Variants in FAM174A observed in about 807,000 individuals in gnomAD.
FAM174A encodes the protein family with sequence similarity 174 member A.
Under a neutral mutation model 14.3 loss-of-function variants are expected in FAM174A, and 14 were observed. That is an observed-to-expected ratio of 0.98 (90% CI 0.65 to 1.53). FAM174A has a LOEUF of 1.53. FAM174A is among the 40% of genes most tolerant of loss of function. FAM174A has a pLI of 0.00. For synonymous variants in FAM174A, 108 were observed against 111.4 expected, an observed-to-expected ratio of 0.97 and a Z score of 0.19; for missense variants, 241 against 249.6, an observed-to-expected ratio of 0.97 and a Z score of 0.23.
intron 2 of FAM174A, among the ~76,000 whole-genome samples, chr5:100,564,203 C>G (rs1580372564): frequency 6.6e-6 from 1 of 151,816 alleles, no homozygotes; most frequent in Admixed American, 6.6e-5. Flanking sequence ...AACCTCTTTT[C>G]TTTATAAATT....
chr5:100,564,923 A>G (rs1195714332), intron 2 of FAM174A, among the ~76,000 whole-genome samples: 1 of 151,920 alleles, frequency 6.6e-6, no homozygotes, highest in African/African-American at 2.4e-5. Context: ...ATATGGCTTC[A>G]TGGGTAAATT....
chr5:100,545,896 A>G (rs1290672065), intron 1 of FAM174A, among the ~76,000 whole-genome samples: 2 of 152,170 alleles, frequency 1.3e-5, no homozygotes, highest in Non-Finnish European at 2.9e-5. Flanking sequence ...TCCTGTCATT[A>G]TGTATACTGT....
chr5:100,581,389 A>C lies in FAM174A; in HGVS notation c.570-4792A>C, dbSNP rs968069626. On this transcript the variant is annotated intron_variant, in intron 2 of 2. Coordinates refer to ENST00000312637, the MANE Select transcript of FAM174A (RefSeq NM_198507.3). ...GAGAAAGAGCAACTGAGGGATAGCA[A>C]CATGGATTTCACTGAGTAGGTGGCA... The C allele has an allele frequency of 4.1e-6, 4 of 985,158 alleles. No individual in the cohort carries two copies. In the African/African-American group the frequency reaches 7.0e-5, roughly 17 times the overall value. 61.0% of individuals were successfully genotyped at this position (985,158 alleles called of 1,614,324 possible). A position where few individuals can be genotyped will look rare whatever the true frequency, so the allele number is the denominator to read the frequency against.
intron 2 of FAM174A, among the ~76,000 whole-genome samples, chr5:100,572,682 T>C (rs1283897982): frequency 6.6e-6 from 1 of 152,148 alleles, no homozygotes; most frequent in Non-Finnish European, 1.5e-5. Context: ...TCCAAGTCTT[T>C]GCTATTGTGA....
intron 1 of FAM174A, among the ~76,000 whole-genome samples, chr5:100,539,846 T>C (rs1746015130): frequency 6.6e-6 from 1 of 152,240 alleles, no homozygotes; most frequent in Non-Finnish European, 1.5e-5. Flanking sequence ...GCCCAGTGCC[T>C]TTCTGTTTAA....
At chr5:100,552,702 T>C (rs541029693) in intron 1 of FAM174A, among the ~76,000 whole-genome samples, 82 of 152,166 alleles carry the variant, frequency 5.4e-4, no homozygotes, top group Non-Finnish European at 1.0e-3. Flanking sequence ...AGTTTTATTT[T>C]GATACTCTAA....
chr5:100,551,946 A>G (rs1317625725), intron 1 of FAM174A, among the ~76,000 whole-genome samples: 2 of 152,180 alleles, frequency 1.3e-5, no homozygotes, highest in African/African-American at 4.8e-5. Flanking sequence ...ATTTCTAAAT[A>G]AGGCCACATT....
chr5:100,573,258 T>G (rs1219451619), intron 2 of FAM174A, among the ~76,000 whole-genome samples: 1 of 151,756 alleles, frequency 6.6e-6, no homozygotes, highest in Non-Finnish European at 1.5e-5. Flanking sequence ...TTAGTTTAAT[T>G]AGATCCCATT....
intron 2 of FAM174A, among the ~76,000 whole-genome samples, chr5:100,571,513 G>C (rs1389934388): frequency 1.3e-5 from 2 of 149,748 alleles, no homozygotes; most frequent in Non-Finnish European, 3.0e-5. Context: ...TCACATAACT[G>C]CTTTTCCTTG....
intron 2 of FAM174A, among the ~76,000 whole-genome samples, chr5:100,577,905 T>C (rs1433974912): frequency 6.6e-6 from 1 of 152,068 alleles, no homozygotes; most frequent in Non-Finnish European, 1.5e-5. Context: ...ATATTTGGGA[T>C]TGGAGTCACT....
intron 2 of FAM174A, among the ~76,000 whole-genome samples, chr5:100,571,874 G>A (rs915521737): frequency 6.6e-6 from 1 of 151,746 alleles, no homozygotes; most frequent in Non-Finnish European, 1.5e-5. Context: ...CAAAGTCTCT[G>A]ATGGCTATAG....
At chr5:100,542,254 C>T (rs747325361) in intron 1 of FAM174A, among the ~76,000 whole-genome samples, 5 of 152,184 alleles carry the variant, frequency 3.3e-5, no homozygotes, top group Admixed American at 6.5e-5. Context: ...CAACTTCTTA[C>T]GGGATAGATG....
chr5:100,563,859 G>A (rs901618604), intron 2 of FAM174A, among the ~76,000 whole-genome samples: 1 of 151,838 alleles, frequency 6.6e-6, no homozygotes. Context: ...TTATAAATAT[G>A]TGGAAACTAA....
At chr5:100,573,177 G>A (rs556485795) in intron 2 of FAM174A, among the ~76,000 whole-genome samples, 6 of 152,054 alleles carry the variant, frequency 3.9e-5, no homozygotes, top group South Asian at 2.1e-4. Flanking sequence ...AGTAGGTTGC[G>A]AAAATTTTCT....
Position 100,586,289 on chromosome 5 carries a change from A to G in FAM174A, c.*105A>G. ...TATATCAATGTTGGGGGGGTATTTA[A>G]GTTACATATATTTTAACAACCTTTA... On this transcript the variant is annotated 3_prime_UTR_variant, in exon 3 of 3. Transcript: ENST00000312637. 1.4e-6 allele frequency: 1 copy of G among 702,238 alleles called. No individual in the cohort carries two copies. The highest frequency in any genetic ancestry group is 2.8e-5 in the East Asian group (1 of 35,754). The allele number at this position is 702,238 out of a possible 1,614,324, so 43.5% of individuals were successfully genotyped here.
In FAM174A at chr5:100,553,540, T is replaced by C. The variant is rs144453165; in HGVS notation, c.435-8514T>C. Among the ~76,000 whole-genome samples, 80 of 152,254 alleles carry C rather than the reference T, an allele frequency of 5.3e-4. No individual in the cohort carries two copies. The Middle Eastern group carries it at 0.014, about 26-fold the overall frequency. On this transcript the variant is annotated intron_variant, in intron 1 of 2. Transcript: ENST00000312637. ...GAAATTACACTTCTAGTTTAAATTTTATTTAATAATATATAGCATTTTTTA... is the reference window on the plus strand; with the variant it reads ...GAAATTACACTTCTAGTTTAAATTTCATTTAATAATATATAGCATTTTTTA...
At chr5:100,580,912 G>T (rs1746998348) in intron 2 of FAM174A, among the ~76,000 whole-genome samples, 1 of 152,032 alleles carries the variant, frequency 6.6e-6, no homozygotes, top group Non-Finnish European at 1.5e-5. Flanking sequence ...GAGTTTGTTT[G>T]TTTGTTTGTT....
intron 2 of FAM174A, among the ~76,000 whole-genome samples, chr5:100,563,649 G>A (rs1746579062): frequency 1.3e-5 from 2 of 151,812 alleles, no homozygotes; most frequent in South Asian, 4.1e-4. Flanking sequence ...GGACCTGACA[G>A]ACATATACAG....
intron 1 of FAM174A, among the ~76,000 whole-genome samples, chr5:100,547,578 T>C (rs1746188693): frequency 6.6e-6 from 1 of 152,060 alleles, no homozygotes; most frequent in Non-Finnish European, 1.5e-5. Context: ...GTTAGTGAGC[T>C]TTTTGGTGGC....
Sources: allele counts gnomAD v4.1 joint callset (sites outside exome capture counted in the v4.1 genomes callset), GRCh38; gene constraint gnomAD v4.1.1; transcripts MANE v1.5; gene names NCBI Gene and HGNC (gene_info 2026-07-23, HGNC 2026-07-21).